Variants in CDH3 observed in about 807,000 individuals in gnomAD.
CDH3 encodes the protein cadherin 3.
CDH3 carries 54 observed loss-of-function variants against 82.0 expected under a neutral mutation model. The ratio of observed to expected loss-of-function variants is 0.66; its 90% CI spans 0.53 to 0.83. The LOEUF is 0.83. Among genes scored for constraint, CDH3 ranks in the 40% least tolerant of loss-of-function variants. CDH3 has a pLI of 0.00. For missense variants in CDH3, 1,054 were observed against 1,084.6 expected (o/e 0.97, Z 0.40); for synonymous variants, 446 against 437.9 (o/e 1.02, Z -0.23).
At chr16:68,665,915 AACTC>A (rs1482590609) in intron 2 of CDH3, among the ~76,000 whole-genome samples, 2 of 152,114 alleles carry the variant, frequency 1.3e-5, no homozygotes, top group African/African-American at 4.8e-5. Flanking sequence ...TCGGGGGAAA[AACTC>A]ACATCAAATT....
chr16:68,685,788 C>T (rs1182952606), intron 11 of CDH3, among the ~76,000 whole-genome samples: 1 of 152,198 alleles, frequency 6.6e-6, no homozygotes, highest in Non-Finnish European at 1.5e-5. Context: ...CCCTGGGTGA[C>T]AGAGCGAGAC....
chr16:68,720,454 A>G (rs2152111170), intron 1 of CDH3, among the ~76,000 whole-genome samples: 1 of 152,242 alleles, frequency 6.6e-6, no homozygotes, highest in Admixed American at 6.6e-5. Flanking sequence ...CCTCCCAGAA[A>G]CATAGTTTCT....
chr16:68,662,194 C>T (rs977049489), intron 2 of CDH3, among the ~76,000 whole-genome samples: 6 of 152,178 alleles, frequency 3.9e-5, no homozygotes, highest in Non-Finnish European at 8.8e-5. Context: ...CAAGGAGACA[C>T]TGTTCCAGAC....
chr16:68,681,813 G>A (rs1961237365), intron 8 of CDH3, among the ~76,000 whole-genome samples: 1 of 152,218 alleles, frequency 6.6e-6, no homozygotes, highest in Non-Finnish European at 1.5e-5. Context: ...ACTCCAGCCT[G>A]AGCGGCAGAC....
At chr16:68,654,735 T>TA (rs1960367778) in intron 2 of CDH3, among the ~76,000 whole-genome samples, 3 of 143,560 alleles carry the variant, frequency 2.1e-5, no homozygotes, top group Middle Eastern at 3.9e-3. Context: ...TATATATATA[T>TA]TTATTTTTAA....
Position 68,654,380 on chromosome 16 carries a change from A to ATTTT in CDH3, c.160+8665_160+8668dup, listed in dbSNP as rs1176713669. On this transcript the variant is annotated intron_variant, in intron 2 of 15. Coordinates refer to ENST00000264012, the MANE Select transcript of CDH3 (RefSeq NM_001793.6). The stretch of plus-strand genomic sequence containing the variant: ...GGCCTTTTTCTTAATTTTTAAATTA[A>ATTTT]TTTTTTTTTTTTTTTTTTTTTTTTT... Among the ~76,000 whole-genome samples the ATTTT allele has an allele frequency of 6.8e-4, 33 of 48,532 alleles. 3 individuals are homozygous for ATTTT. Among genetic ancestry groups the ATTTT allele is most frequent in the Middle Eastern group, 0.019 (1 of 52 alleles). The allele number at this position is 48,532 out of a possible 152,430, so 31.8% of individuals were successfully genotyped here.
chr16:68,657,499 G>A (rs1325182283), intron 2 of CDH3, among the ~76,000 whole-genome samples: 1 of 152,170 alleles, frequency 6.6e-6, no homozygotes, highest in Non-Finnish European at 1.5e-5. Context: ...GGGCGACAGA[G>A]CAAGACTCTG....
At chr16:68,696,303 C>T (rs562757317) in intron 15 of CDH3, 22 of 341,594 alleles carry the variant, frequency 6.4e-5, no homozygotes, top group East Asian at 3.0e-4. Context: ...CCTGTAGTCC[C>T]AGCTACTCGG....
At chr16:68,732,718 G>A in the CDH3 span, among the ~76,000 whole-genome samples, 4 of 152,288 alleles carry the variant, frequency 2.6e-5, no homozygotes, top group African/African-American at 7.2e-5. Flanking sequence ...TCACCTGCAC[G>A]GACAGGTTTG....
intron 3 of CDH3, among the ~76,000 whole-genome samples, chr16:68,677,128 T>A (rs537986562): frequency 3.9e-5 from 6 of 152,216 alleles, no homozygotes; most frequent in Non-Finnish European, 7.3e-5. Flanking sequence ...TATACATATA[T>A]AAAAACAGAT....
chr16:68,652,588 C>T (rs1243099312), intron 2 of CDH3, among the ~76,000 whole-genome samples: 2 of 152,150 alleles, frequency 1.3e-5, no homozygotes, highest in Non-Finnish European at 2.9e-5. Flanking sequence ...TGAAGAATAA[C>T]AAATGTAGAC....
Position 68,678,355 on chromosome 16 carries a change from T to C in CDH3, c.390+78T>C, listed in dbSNP as rs1028598918. 1.3e-5 allele frequency: 20 copies of C among 1,592,086 alleles called. No individual in the cohort carries two copies. In the African/African-American group the frequency reaches 1.5e-4, roughly 12 times the overall value. ...CAAAGGCCTGCATGAGATTTCTTGC[T>C]ACTGAATGTGGGGGCTGAGACAGAA... On this transcript the variant is annotated intron_variant, in intron 4 of 15. Transcript: ENST00000264012.
chr16:68,651,841 C>T (rs776673529), intron 2 of CDH3: 18 of 493,570 alleles, frequency 3.6e-5, no homozygotes, highest in Admixed American at 9.0e-5. Flanking sequence ...GTGAGTCCCT[C>T]GATCCAGCTG....
chr16:68,692,456 G>A (rs1961604870), intron 13 of CDH3, among the ~76,000 whole-genome samples: 1 of 152,320 alleles, frequency 6.6e-6, no homozygotes, highest in Middle Eastern at 3.4e-3. Flanking sequence ...CCTGCCATCA[G>A]GTCATCTGGA....
intron 2 of CDH3, among the ~76,000 whole-genome samples, chr16:68,647,219 C>G (rs1010009549): frequency 6.6e-6 from 1 of 152,230 alleles, no homozygotes; most frequent in African/African-American, 2.4e-5. Context: ...CCTGAGGAAG[C>G]CTTATTGCTA....
chr16:68,732,091 CAGTT>C (rs1295731649), downstream of CDH3, among the ~76,000 whole-genome samples: 2 of 148,730 alleles, frequency 1.3e-5, no homozygotes, highest in East Asian at 3.9e-4. Flanking sequence ...GCACCCCTAT[CAGTT>C]AGCACCGTTT....
Position 68,656,607 on chromosome 16 carries a change from A to G in CDH3, c.160+10857A>G, listed in dbSNP as rs116385349. On this transcript the variant is annotated intron_variant, in intron 2 of 15. Coordinates refer to ENST00000264012, the MANE Select transcript of CDH3 (RefSeq NM_001793.6). ...TCGGCTTGTCACTTTGTAACTATCT[A>G]AGGTCACCCAGCTAATAAATTGTGG... 2.8e-3 allele frequency among the ~76,000 whole-genome samples: 423 copies of G among 152,288 alleles called. 4 individuals are homozygous for G. The highest frequency in any genetic ancestry group is 9.7e-3 in the African/African-American group (404 of 41,556).
At chr16:68,703,505 G>A (rs1009793182), downstream of CDH3, among the ~76,000 whole-genome samples, 1 of 152,312 alleles carries the variant, frequency 6.6e-6, no homozygotes, top group African/African-American at 2.4e-5. Flanking sequence ...TCCAGGGAAC[G>A]ACTCCCTCCA....
intron 11 of CDH3, chr16:68,686,289 G>A (rs951198234): frequency 5.9e-5 from 41 of 695,820 alleles, no homozygotes; most frequent in Middle Eastern, 3.1e-4. Context: ...GCACCCAGGC[G>A]GTCTTTTCAC....
Sources: allele counts gnomAD v4.1 joint callset (sites outside exome capture counted in the v4.1 genomes callset), GRCh38; gene constraint gnomAD v4.1.1; transcripts MANE v1.5; gene names NCBI Gene and HGNC (gene_info 2026-07-23, HGNC 2026-07-21).